Variants in HPF1 observed in about 807,000 individuals in gnomAD.
HPF1 encodes the protein UPF0609 protein C4orf27.
Under a neutral mutation model 38.8 loss-of-function variants are expected in HPF1, and 35 were observed. The ratio of observed to expected loss-of-function variants is 0.90; its 90% confidence interval spans 0.69 to 1.19. The LOEUF (loss-of-function observed/expected upper bound fraction) is 1.19, where lower values mean the gene tolerates loss of function less well. HPF1 is among the 50% of genes most tolerant of loss of function. The probability of loss-of-function intolerance (pLI) is 0.00; values close to 1 mark genes in which losing one functional copy is unlikely to be tolerated. For synonymous variants in HPF1, 115 were observed against 139.2 expected (o/e 0.83, Z 1.22); for missense variants, 367 against 405.8 (o/e 0.90, Z 0.82).
chr4:169,752,320 C>T (rs112461853), intron 2 of HPF1, among the ~76,000 whole-genome samples: 7,500 of 151,978 alleles, frequency 0.049, 276 homozygotes, highest in African/African-American at 0.1. Context: ...CAGGCACCCG[C>T]CACCACGCCC....
chr4:169,731,533 G>A (rs1010806990), intron 7 of HPF1, among the ~76,000 whole-genome samples, 171 bp downstream of exon 7: 7 of 152,058 alleles, frequency 4.6e-5, no homozygotes, highest in Non-Finnish European at 1.0e-4. Flanking sequence ...GGACATCTAC[G>A]TTAAAAAAAA....
At chr4:169,731,176 C>A (rs566773660) in intron 7 of HPF1, among the ~76,000 whole-genome samples, 3 of 152,322 alleles carry the variant, frequency 2.0e-5, no homozygotes, top group Admixed American at 2.0e-4. Flanking sequence ...CGAGTAAGCA[C>A]TGGTTTAGCT....
At chr4:169,747,007 A>AC (rs34720403) in intron 4 of HPF1, among the ~76,000 whole-genome samples, 1 of 151,008 alleles carries the variant, frequency 6.6e-6, no homozygotes, top group Admixed American at 6.6e-5. Flanking sequence ...AAAAAAAAAA[A>AC]CATGACTAAT....
At chr4:169,757,795 G>T in intron 1 of HPF1, 35 bp downstream of exon 1, 1 of 1,541,256 alleles carries the variant, frequency 6.5e-7, no homozygotes. Flanking sequence ...CACCCAAAGC[G>T]CCCCGCGTAG....
chr4:169,753,081 T>C (rs1448999226), intron 2 of HPF1, among the ~76,000 whole-genome samples: 1 of 130,644 alleles, frequency 7.7e-6, no homozygotes, highest in Non-Finnish European at 1.6e-5. Flanking sequence ...TCACCCAGGC[T>C]GGAGTGCACT....
At chr4:169,755,513 T>C (rs1734177490) in intron 1 of HPF1, among the ~76,000 whole-genome samples, 1 of 152,224 alleles carries the variant, frequency 6.6e-6, no homozygotes, top group Non-Finnish European at 1.5e-5. Context: ...AACTGTGTTA[T>C]CTTTGGCTAA....
At chr4:169,744,581 T>C (rs1219075740) in intron 4 of HPF1, among the ~76,000 whole-genome samples, 1 of 152,214 alleles carries the variant, frequency 6.6e-6, no homozygotes, top group African/African-American at 2.4e-5. Context: ...TTGGAAATAG[T>C]GGTTTACTAA....
intron 6 of HPF1, among the ~76,000 whole-genome samples, chr4:169,737,334 T>G (rs936395928): frequency 1.1e-4 from 17 of 151,848 alleles, no homozygotes; most frequent in African/African-American, 4.1e-4. Flanking sequence ...CTACTGAATT[T>G]TGAACACTGA....
chr4:169,754,397 A>G (rs1734158920), intron 1 of HPF1, among the ~76,000 whole-genome samples: 1 of 152,216 alleles, frequency 6.6e-6, no homozygotes, highest in African/African-American at 2.4e-5. Flanking sequence ...TTCCTAATAA[A>G]GTTAGCAGAA....
chr4:169,744,473 C>T (rs1322819455), intron 4 of HPF1, among the ~76,000 whole-genome samples: 3 of 152,122 alleles, frequency 2.0e-5, no homozygotes, highest in African/African-American at 7.2e-5. Context: ...TAACCATGAA[C>T]GTGAACATTT....
At chr4:169,735,264 AC>A (rs1007182491) in intron 6 of HPF1, among the ~76,000 whole-genome samples, 5 of 152,194 alleles carry the variant, frequency 3.3e-5, no homozygotes, top group African/African-American at 1.2e-4. Context: ...AGAATTAAAT[AC>A]ATCACTTGTT....
chr4:169,732,419 G>A (rs1316326959), intron 6 of HPF1, among the ~76,000 whole-genome samples: 7 of 152,078 alleles, frequency 4.6e-5, no homozygotes, highest in Admixed American at 2.6e-4. Context: ...GATTACAGGC[G>A]TGAGCCACTG....
intron 3 of HPF1, among the ~76,000 whole-genome samples, chr4:169,749,783 T>C (rs1440035810): frequency 6.7e-6 from 1 of 150,072 alleles, no homozygotes; most frequent in Non-Finnish European, 1.5e-5. Flanking sequence ...GAAAGGATCC[T>C]ATTCACGTAT....
chr4:169,757,847 C>G lies in HPF1; in HGVS notation c.31G>C (p.Gly11Arg), dbSNP rs1467954998. 1.9e-6 allele frequency: 3 copies of G among 1,564,720 alleles called. No homozygotes were observed. Among genetic ancestry groups the G allele is most frequent in the Non-Finnish European group, 2.6e-6 (3 of 1,162,378 alleles). The change falls in exon 1 of 8, where the codon GGC becomes CGC. Residue 11 changes from glycine (G) to arginine (R), a missense_variant. Physicochemically the swap from Gly to Arg is moderately radical, Grantham distance 125 (BLOSUM62 -2). Transcript: ENST00000393381. MVGGGGKRRPGGEGPQCEKTT... is the reference protein window; with the variant it reads MVGGGGKRRPRGEGPQCEKTT... ...GGCAGTACCTGCGGCCCCTCTCCGC[C>G]GGGCCTGCGCTTCCCGCCACCGCCG...
intron 2 of HPF1, among the ~76,000 whole-genome samples, chr4:169,752,121 T>G (rs1399538870): frequency 6.6e-6 from 1 of 151,998 alleles, no homozygotes; most frequent in Non-Finnish European, 1.5e-5. Flanking sequence ...TGTTCTAAAA[T>G]GTTTCAGTGA....
chr4:169,732,839 T>A (rs1446968356), intron 6 of HPF1, among the ~76,000 whole-genome samples: 1 of 152,068 alleles, frequency 6.6e-6, no homozygotes, highest in Non-Finnish European at 1.5e-5. Context: ...GTGTCTACTT[T>A]ATATTAGGTA....
chr4:169,754,319 A>C (rs1734155681), intron 1 of HPF1, among the ~76,000 whole-genome samples: 1 of 152,176 alleles, frequency 6.6e-6, no homozygotes, highest in Non-Finnish European at 1.5e-5. Flanking sequence ...CAGCCTTAAA[A>C]ACAGATACCT....
intron 7 of HPF1, 120 bp downstream of exon 7, chr4:169,731,582 CCT>C (rs750725524): frequency 4.8e-5 from 32 of 660,960 alleles, no homozygotes; most frequent in Non-Finnish European, 7.6e-5. Context: ...AAGCTGAATC[CCT>C]GTCTTACCTC....
intron 6 of HPF1, among the ~76,000 whole-genome samples, chr4:169,732,603 T>C (rs1338681399): frequency 6.6e-6 from 1 of 152,128 alleles, no homozygotes. Flanking sequence ...TTTTAAATGG[T>C]TGAAAAATCA....
Sources: gnomAD v4.1 joint callset for allele counts (sites outside exome capture counted in the v4.1 genomes callset) on GRCh38, gnomAD v4.1.1 for gene constraint, MANE v1.5 for transcripts, NCBI Gene and HGNC (gene_info 2026-07-23, HGNC 2026-07-21) for gene names.